Variants in SGSM3 observed in about 807,000 individuals in gnomAD.
SGSM3 encodes RUN and SH3 containing 3.
In SGSM3, 96 loss-of-function variants were observed where a neutral mutation model predicts 100.5. The ratio of observed to expected loss-of-function variants is 0.96; its 90% CI spans 0.81 to 1.13. The LOEUF is 1.13. SGSM3 is among the 50% of genes most tolerant of loss of function. The pLI is 0.00. For synonymous variants in SGSM3, 483 were observed against 422.8 expected (o/e 1.14, Z -1.75); for missense variants, 1,001 against 1,015.8 (o/e 0.99, Z 0.20).
intron 1 of SGSM3, among the ~76,000 whole-genome samples, chr22:40,396,185 T>C (rs1475221962): frequency 6.6e-6 from 1 of 152,342 alleles, no homozygotes. Flanking sequence ...TCTTGGACTT[T>C]CCCGGCTTTG....
chr22:40,384,035 G>A (rs921834082), intron 1 of SGSM3, among the ~76,000 whole-genome samples: 2 of 152,160 alleles, frequency 1.3e-5, no homozygotes, highest in African/African-American at 4.8e-5. Flanking sequence ...GATTGCTTGA[G>A]TGCAGGAGTT....
intron 17 of SGSM3, 32 bp downstream of exon 17, chr22:40,408,729 A>G: frequency 6.2e-7 from 1 of 1,613,894 alleles, no homozygotes; most frequent in Non-Finnish European, 8.5e-7. Context: ...TGGTGGGGTC[A>G]CCAGCAGTGG....
At chr22:40,393,938 C>G (rs2049711565) in intron 1 of SGSM3, among the ~76,000 whole-genome samples, 1 of 152,180 alleles carries the variant, frequency 6.6e-6, no homozygotes, top group African/African-American at 2.4e-5. Flanking sequence ...AACCAAAGCA[C>G]TCTTTCTAGA....
chr22:40,401,216 G>A (rs764620886), intron 2 of SGSM3, among the ~76,000 whole-genome samples: 2 of 152,054 alleles, frequency 1.3e-5, no homozygotes, highest in South Asian at 2.1e-4. Context: ...GAGGGAGAGG[G>A]TATTTCCTGA....
In SGSM3 at chr22:40,406,609, A is replaced by AT; in HGVS notation, c.1134dup (p.Ala379CysfsTer39). 6.2e-7 allele frequency: 1 copy of AT among 1,609,910 alleles called. No individual in the cohort carries two copies. Among genetic ancestry groups the AT allele is most frequent in the Non-Finnish European group, 8.5e-7 (1 of 1,177,310 alleles). ...GCGCCGCAAGCACCTGGCCTATCTC[A>AT]TTGCAGACCAGGGCCAGCTCCTGGG... On this transcript the variant is annotated frameshift_variant, in exon 10 of 22. Coordinates refer to ENST00000248929, the MANE Select transcript of SGSM3 (RefSeq NM_015705.6). LOFTEE classifies it high-confidence loss of function.
rs1569221259 is a variant in SGSM3 at position 40,407,493 on chromosome 22, C to T, written c.1449C>T (p.Arg483=). ...TGGCGTGCTCACGCAGCCACCGGCG[C>T]CGAGCCAAGGCCCTGCTGGACTTTG... ...NYVACSRSHR[R]RAKALLDFER... is the part of the protein sequence containing the mutation. The change falls in exon 13 of 22, where the codon CGC becomes CGT. Residue 483 remains arginine, a synonymous_variant. Transcript: ENST00000248929. This position sits in a 1 kb window ranked among gnomAD's most constrained non-coding sequence, Gnocchi z 4.7. 3 of 1,611,126 alleles carry T rather than the reference C, an allele frequency of 1.9e-6. No individual in the cohort carries two copies. The highest frequency in any genetic ancestry group is 2.5e-6 in the Non-Finnish European group (3 of 1,180,004).
chr22:40,384,088 ATAAAAAT>A lies in SGSM3; in HGVS notation c.-112+13403_-112+13409del, dbSNP rs200823316. On this transcript the variant is annotated intron_variant, in intron 1 of 21. Coordinates refer to ENST00000248929, the MANE Select transcript of SGSM3 (RefSeq NM_015705.6). Reference sequence around the variant, plus strand: ...AGATAGTAGGACCTTGTCTCTAAAAATAAAAATTAGCAAGTCATGATGGCATGCGCCC... The same window carrying A: ...AGATAGTAGGACCTTGTCTCTAAAAATAGCAAGTCATGATGGCATGCGCCC... Among the ~76,000 whole-genome samples the A allele has an allele frequency of 2.0e-4, 30 of 152,270 alleles. No individual in the cohort carries two copies. In the East Asian group the frequency reaches 5.6e-3, roughly 28 times the overall value.
rs923138955 is a variant in SGSM3 at position 40,406,571 on chromosome 22, C to T, written c.1094C>T (p.Ala365Val). The stretch of plus-strand genomic sequence containing the variant: ...CTGGCCGGCTCCCTCACCGATGTGG[C>T]CGTGGAGACTCAGCGCCGCAAGCAC... ...MRLAGSLTDVAVETQRRKHLA... is the reference protein window; with the variant it reads ...MRLAGSLTDVVVETQRRKHLA... The change falls in exon 10 of 22, where the codon GCC (alanine) becomes GTC (valine). Residue 365 changes from alanine to valine, a missense_variant. Transcript: ENST00000248929. 11 of 1,612,882 alleles carry T rather than the reference C, an allele frequency of 6.8e-6. No individual in the cohort carries two copies. Among genetic ancestry groups the T allele is most frequent in the Non-Finnish European group, 9.3e-6 (11 of 1,179,850 alleles).
At chr22:40,376,423 TGA>T (rs2046612678) in intron 1 of SGSM3, 1 of 152,004 alleles carries the variant, frequency 6.6e-6, no homozygotes, top group African/African-American at 2.4e-5. Context: ...TGAGTTGCTG[TGA>T]TTACAGGTGC....
intron 1 of SGSM3, among the ~76,000 whole-genome samples, chr22:40,375,858 T>C (rs1420422419): frequency 6.6e-6 from 1 of 151,994 alleles, no homozygotes; most frequent in Non-Finnish European, 1.5e-5. Context: ...GGCAACATGG[T>C]GAGACCCTGC....
chr22:40,397,787 A>T (rs919554547), intron 1 of SGSM3, among the ~76,000 whole-genome samples: 1 of 152,138 alleles, frequency 6.6e-6, no homozygotes, highest in Admixed American at 6.5e-5. Context: ...TCAGGTAGCC[A>T]TGAGCCCTCA....
At chr22:40,400,585 G>A (rs1185723777) in intron 1 of SGSM3, 111 bp from the exon 2 acceptor site, 3 of 428,160 alleles carry the variant, frequency 7.0e-6, no homozygotes, top group Non-Finnish European at 1.3e-5. Context: ...AGAGGTTGCA[G>A]TGAGCTGAGA....
intron 1 of SGSM3, among the ~76,000 whole-genome samples, chr22:40,375,756 A>C (rs1052815373): frequency 1.3e-5 from 2 of 151,820 alleles, no homozygotes; most frequent in East Asian, 3.9e-4. Context: ...CTCTAAAGAC[A>C]TGAAACAGGC....
intron 1 of SGSM3, among the ~76,000 whole-genome samples, chr22:40,374,887 A>T (rs1400139699): frequency 4.6e-5 from 7 of 152,192 alleles, no homozygotes; most frequent in Non-Finnish European, 1.5e-5. Context: ...CTTGCCTCAA[A>T]CAAACACATT....
chr22:40,388,884 G>A (rs1207372082), intron 1 of SGSM3, among the ~76,000 whole-genome samples: 1 of 152,146 alleles, frequency 6.6e-6, no homozygotes, highest in Non-Finnish European at 1.5e-5. Context: ...TAATGGCAAC[G>A]GGACCACTGA....
At position 40,407,640 on chromosome 22, in the gene SGSM3, AC is replaced by A; in HGVS notation, c.1524+76del. The A allele has an allele frequency of 1.3e-6, 2 of 1,575,794 alleles. No homozygotes were observed. Among genetic ancestry groups the A allele is most frequent in the Middle Eastern group, 3.3e-4 (2 of 5,986 alleles). ...CCCCAGACTCCCTCCACCAAGCCCC[AC>A]CCCAACCCCTTTCCCTGCCAAGAGC... is the stretch of plus-strand genomic sequence containing the variant. On this transcript the variant is annotated intron_variant, in intron 13 of 21. Coordinates refer to ENST00000248929, the MANE Select transcript of SGSM3 (RefSeq NM_015705.6). This position sits in a 1 kb window ranked among gnomAD's most constrained non-coding sequence, Gnocchi z 4.7.
chr22:40,409,447 C>T lies in SGSM3; in HGVS notation c.2112-18C>T. 1.9e-6 allele frequency: 3 copies of T among 1,567,540 alleles called. No homozygotes were observed. Among genetic ancestry groups the T allele is most frequent in the Non-Finnish European group, 2.6e-6 (3 of 1,154,430 alleles). On this transcript the variant is annotated intron_variant, in intron 20 of 21. Coordinates refer to ENST00000248929, the MANE Select transcript of SGSM3 (RefSeq NM_015705.6). ...GCTGGGGGTGACAAGAGCCTTACCACCCCTTCCTCACCTCTAGAGTCCTCT... is the reference window on the plus strand; with the variant it reads ...GCTGGGGGTGACAAGAGCCTTACCATCCCTTCCTCACCTCTAGAGTCCTCT...
intron 4 of SGSM3, among the ~76,000 whole-genome samples, chr22:40,402,654 T>C (rs1217990572): frequency 2.0e-5 from 3 of 152,120 alleles, no homozygotes; most frequent in African/African-American, 4.8e-5. Context: ...CAGGAGAATC[T>C]CTTGAACCCA....
At chr22:40,380,147 A>T (rs151161808) in intron 1 of SGSM3, among the ~76,000 whole-genome samples, 1 of 152,288 alleles carries the variant, frequency 6.6e-6, no homozygotes, top group Non-Finnish European at 1.5e-5. Context: ...TAAAGTAGTG[A>T]AGTGCTGTCC....
Sources: allele counts gnomAD v4.1 joint callset (sites outside exome capture counted in the v4.1 genomes callset), GRCh38; gene constraint gnomAD v4.1.1; non-coding constraint Gnocchi (gnomAD v3.1); transcripts MANE v1.5; gene names NCBI Gene and HGNC (gene_info 2026-07-23, HGNC 2026-07-21).